RBL2: variants seen among roughly 807,000 people sequenced by gnomAD.
The protein encoded by RBL2 is retinoblastoma-like protein 2.
RBL2 carries 56 observed loss-of-function variants against 126.0 expected under a neutral mutation model. That is an observed-to-expected ratio of 0.44 (90% CI 0.36 to 0.56). The LOEUF is 0.56. RBL2 is among the 20% of genes least tolerant of loss of function. The probability of loss-of-function intolerance (pLI) is 0.00; values close to 1 mark genes in which losing one functional copy is unlikely to be tolerated. For synonymous variants in RBL2, 454 were observed against 478.5 expected, an observed-to-expected ratio of 0.95 and a Z score of 0.67; for missense variants, 1,229 against 1,398.2, an observed-to-expected ratio of 0.88 and a Z score of 1.93.
At chr16:53,472,781 G>T (rs1960572286) in intron 17 of RBL2, among the ~76,000 whole-genome samples, 2 of 152,056 alleles carry the variant, frequency 1.3e-5, no homozygotes, top group Admixed American at 1.3e-4. Flanking sequence ...TGCACTTTGG[G>T]TGTCCTAAGA....
intron 11 of RBL2, 21 bp downstream of exon 11, chr16:53,462,676 A>G (rs757939228): frequency 2.1e-6 from 3 of 1,419,636 alleles, no homozygotes; most frequent in Non-Finnish European, 2.9e-6. Flanking sequence ...TAACCAATGT[A>G]TTGATCAGCG....
chr16:53,454,866 GT>G, intron 8 of RBL2, 24 bp downstream of exon 8: 1 of 1,556,360 alleles, frequency 6.4e-7, no homozygotes, highest in Non-Finnish European at 8.7e-7. Context: ...TGCCAGAAGA[GT>G]AGAAATACAG....
Position 53,465,656 on chromosome 16 carries a change from T to C in RBL2, c.1863+54T>C, listed in dbSNP as rs1017268383. 4.2e-5 allele frequency: 56 copies of C among 1,339,698 alleles called. No homozygotes were observed. In the Middle Eastern group the frequency reaches 6.0e-4, roughly 14 times the overall value. The allele number at this position is 1,339,698 out of a possible 1,614,324, so 83.0% of individuals were successfully genotyped here. A position where few individuals can be genotyped will look rare whatever the true frequency, so the allele number is the denominator to read the frequency against. On this transcript the variant is annotated intron_variant, in intron 13 of 21. Coordinates refer to ENST00000262133, the MANE Select transcript of RBL2 (RefSeq NM_005611.4). Reference sequence around the variant, plus strand: ...AAAAATACATCAATATCTAATCTATTAATAATCCTTTTGGGGATGGGAGGG... The same window carrying C: ...AAAAATACATCAATATCTAATCTATCAATAATCCTTTTGGGGATGGGAGGG...
intron 17 of RBL2, among the ~76,000 whole-genome samples, chr16:53,473,451 G>C (rs750861668): frequency 2.0e-5 from 3 of 148,242 alleles, no homozygotes; most frequent in Non-Finnish European, 4.5e-5. Flanking sequence ...AAGTGTAGTT[G>C]TTTCATTGTT....
At chr16:53,480,914 T>C (rs931425733) in intron 20 of RBL2, 145 bp downstream of exon 20, 46 of 725,946 alleles carry the variant, frequency 6.3e-5, no homozygotes, top group Admixed American at 2.5e-4. Flanking sequence ...ATCCCAGCAC[T>C]TTGGGAGGCC....
rs557914168 is a variant in RBL2 at position 53,478,996 on chromosome 16, A to G, written c.2704-158A>G. 4.0e-4 allele frequency: 244 copies of G among 614,660 alleles called. 1 individual carries two copies. The East Asian group carries it at 6.3e-3, about 16-fold the overall frequency. 38.1% of individuals were successfully genotyped at this position (614,660 alleles called of 1,614,324 possible). Reference sequence around the variant, plus strand: ...TTAATAGATATTCTTGAATCGATGTATCTTCATTTGCTATATGCCGTTAAT... The same window carrying G: ...TTAATAGATATTCTTGAATCGATGTGTCTTCATTTGCTATATGCCGTTAAT... On this transcript the variant is annotated intron_variant, in intron 17 of 21. Coordinates refer to ENST00000262133, the MANE Select transcript of RBL2 (RefSeq NM_005611.4).
chr16:53,466,927 ATGGG>A, intron 13 of RBL2, 127 bp from the exon 14 acceptor site: 1 of 711,602 alleles, frequency 1.4e-6, no homozygotes, highest in Admixed American at 2.8e-5. Context: ...TATTATTAAA[ATGGG>A]AAAGACAGCT....
chr16:53,461,181 T>C (rs2058216161), intron 9 of RBL2, among the ~76,000 whole-genome samples: 2 of 152,138 alleles, frequency 1.3e-5, no homozygotes, highest in Admixed American at 1.3e-4. Flanking sequence ...CCAAGGTTGC[T>C]AAACTTCCTG....
intron 1 of RBL2, among the ~76,000 whole-genome samples, chr16:53,436,625 T>TA (rs2057960975): frequency 6.6e-6 from 1 of 152,232 alleles, no homozygotes; most frequent in Non-Finnish European, 1.5e-5. Context: ...ATAAAGCTCT[T>TA]ATGATGTTTA....
At chr16:53,465,692 G>T (rs1029930896) in intron 13 of RBL2, 90 bp downstream of exon 13, 7 of 1,027,876 alleles carry the variant, frequency 6.8e-6, no homozygotes, top group Non-Finnish European at 6.7e-6. Context: ...TGGCAATTAG[G>T]TTTAATATGT....
At chr16:53,435,694 A>C (rs780577915) in intron 1 of RBL2, 1 of 1,289,122 alleles carries the variant, frequency 7.8e-7, no homozygotes, top group Non-Finnish European at 1.0e-6. Flanking sequence ...TTTATAATTA[A>C]TTTGTAGAAA....
intron 17 of RBL2, 83 bp from the exon 18 acceptor site, chr16:53,479,060 TCACCCCTTTTA>T: frequency 1.1e-6 from 1 of 935,434 alleles, no homozygotes; most frequent in Non-Finnish European, 1.7e-6. Context: ...TATATAATTT[TCACCCCTTTTA>T]CTGGGCAGCA....
intron 13 of RBL2, 157 bp from the exon 14 acceptor site, chr16:53,466,901 G>GT (rs936884084): frequency 0.022 from 12,337 of 549,040 alleles, 52 homozygotes; most frequent in African/African-American, 0.049. Flanking sequence ...ACTGCCAAAA[G>GT]TTTTTTTTTT....
At chr16:53,439,268 T>C in intron 2 of RBL2, 122 bp downstream of exon 2, 1 of 861,060 alleles carries the variant, frequency 1.2e-6, no homozygotes, top group South Asian at 3.8e-5. Context: ...CTGGTGAAAT[T>C]AGATGCTAAA....
At chr16:53,485,328 C>T (rs950806674) in intron 21 of RBL2, among the ~76,000 whole-genome samples, 1 of 151,866 alleles carries the variant, frequency 6.6e-6, no homozygotes, top group Non-Finnish European at 1.5e-5. Context: ...AAAGAAAGCA[C>T]AAGAGAAATT....
chr16:53,458,924 A>G (rs540606760), intron 8 of RBL2, among the ~76,000 whole-genome samples: 2 of 152,328 alleles, frequency 1.3e-5, no homozygotes, highest in Admixed American at 6.5e-5. Flanking sequence ...ATTCAAGTTG[A>G]GGCTTCGATG....
chr16:53,457,465 T>C (rs2058180843), intron 8 of RBL2, among the ~76,000 whole-genome samples: 1 of 151,820 alleles, frequency 6.6e-6, no homozygotes, highest in Non-Finnish European at 1.5e-5. Context: ...TTCACCATCT[T>C]GGCTAGTCTG....
At chr16:53,483,151 CA>C (rs1483624970) in intron 21 of RBL2, among the ~76,000 whole-genome samples, 8 of 152,012 alleles carry the variant, frequency 5.3e-5, no homozygotes, top group Admixed American at 5.2e-4. Flanking sequence ...GGGTTGGTTG[CA>C]ATATATTTAG....
chr16:53,457,792 A>C (rs2058183638), intron 8 of RBL2, among the ~76,000 whole-genome samples: 1 of 152,236 alleles, frequency 6.6e-6, no homozygotes, highest in Non-Finnish European at 1.5e-5. Context: ...AGTGCTACCA[A>C]GAAGCACCAT....
Sources: allele counts gnomAD v4.1 joint callset (sites outside exome capture counted in the v4.1 genomes callset), GRCh38; gene constraint gnomAD v4.1.1; transcripts MANE v1.5; gene names NCBI Gene and HGNC (gene_info 2026-07-23, HGNC 2026-07-21).